Variants in CDON observed in about 807,000 individuals in gnomAD.
CDON encodes the protein cell adhesion associated, oncogene regulated, also known as cell adhesion molecule-related/down-regulated by oncogenes.
Under a neutral mutation model 120.9 loss-of-function variants are expected in CDON, and 73 were observed. The observed-to-expected ratio is 0.60, with a 90% CI of 0.50 to 0.73. The LOEUF (loss-of-function observed/expected upper bound fraction) is 0.73. Ranked by LOEUF, CDON falls within the 30% of genes least tolerant of loss-of-function variation. CDON has a pLI of 0.00. For synonymous variants in CDON, 566 were observed against 573.5 expected (o/e 0.99, Z 0.19); for missense variants, 1,470 against 1,587.3 (o/e 0.93, Z 1.26).
chr11:126,002,395 G>A (rs919107633), intron 10 of CDON, among the ~76,000 whole-genome samples: 37 of 152,244 alleles, frequency 2.4e-4, no homozygotes, highest in African/African-American at 8.9e-4. Flanking sequence ...GAAAGTACTC[G>A]TTATTTTTCT....
intron 18 of CDON, among the ~76,000 whole-genome samples, chr11:125,973,018 C>CTTTTTTTTTTTTTTTTTTTTTT (rs35828939): frequency 3.4e-5 from 3 of 87,034 alleles, no homozygotes; most frequent in South Asian, 5.4e-4. Flanking sequence ...ATTACTTGGT[C>CTTTTTTTTTTTTTTTTTTTTTT]TTTTTTTTTT....
chr11:125,963,925 G>A (rs1297089048), intron 18 of CDON, among the ~76,000 whole-genome samples: 1 of 152,186 alleles, frequency 6.6e-6, no homozygotes, highest in African/African-American at 2.4e-5. Context: ...TCAGAGCACT[G>A]GTCTAGATGT....
At chr11:125,990,226 C>T (rs2134496565) in intron 14 of CDON, among the ~76,000 whole-genome samples, 1 of 152,158 alleles carries the variant, frequency 6.6e-6, no homozygotes, top group East Asian at 1.9e-4. Flanking sequence ...TAGCAAAGCT[C>T]CCAATTCCAC....
intron 1 of CDON, among the ~76,000 whole-genome samples, chr11:126,050,714 G>C (rs1331019023): frequency 6.6e-6 from 1 of 152,140 alleles, no homozygotes; most frequent in Non-Finnish European, 1.5e-5. Flanking sequence ...CAAGGACGGG[G>C]TGTGCCGTGG....
At chr11:125,968,566 A>C (rs1255522418) in intron 18 of CDON, among the ~76,000 whole-genome samples, 1 of 152,250 alleles carries the variant, frequency 6.6e-6, no homozygotes, top group East Asian at 1.9e-4. Context: ...ATTTAGCAAG[A>C]GAGAAGTACA....
intron 18 of CDON, among the ~76,000 whole-genome samples, chr11:125,964,677 G>C (rs188829309): frequency 4.1e-4 from 62 of 152,186 alleles, no homozygotes; most frequent in Non-Finnish European, 3.2e-4. Flanking sequence ...AAGACACGGG[G>C]AGCAATTAAC....
intron 16 of CDON, among the ~76,000 whole-genome samples, chr11:125,982,051 T>C (rs1946328343): frequency 7.2e-6 from 1 of 139,382 alleles, no homozygotes; most frequent in African/African-American, 2.7e-5. Flanking sequence ...TGGCGTGATC[T>C]TGGCTCACTG....
chr11:125,997,275 T>A lies in CDON; in HGVS notation c.2294A>T (p.Asn765Ile). The change falls in exon 12 of 20, where the codon AAT becomes ATT. Residue 765 changes from asparagine (N) to isoleucine (I), a missense_variant. Physicochemically the swap from Asn to Ile is moderately radical, Grantham distance 149 (BLOSUM62 -3). Transcript: ENST00000531738. ...KVEYKRMRTSNWLVAAEDIPP... is the reference protein window; with the variant it reads ...KVEYKRMRTSIWLVAAEDIPP... ...GATGTCTTCAGCTGCCACCAGCCAA[T>A]TGCTGGTCCTCATCCGTTTATATTC... 6.2e-7 allele frequency: 1 copy of A among 1,614,196 alleles called. No individual in the cohort carries two copies. The highest frequency in any genetic ancestry group is 8.5e-7 in the Non-Finnish European group (1 of 1,180,026).
At chr11:126,037,667 A>T (rs1257425337) in intron 1 of CDON, among the ~76,000 whole-genome samples, 1 of 152,292 alleles carries the variant, frequency 6.6e-6, no homozygotes, top group Non-Finnish European at 1.5e-5. Flanking sequence ...TTTTGGTATA[A>T]AAAAGTTTCA....
intron 1 of CDON, among the ~76,000 whole-genome samples, chr11:126,040,177 G>A (rs73629849): frequency 0.031 from 4,765 of 152,196 alleles, 251 homozygotes; most frequent in African/African-American, 0.11. Flanking sequence ...GAGGGCCGGG[G>A]GGTATATGGG....
chr11:126,037,743 TA>T (rs1161234975), intron 1 of CDON, among the ~76,000 whole-genome samples: 1 of 152,178 alleles, frequency 6.6e-6, no homozygotes, highest in African/African-American at 2.4e-5. Context: ...GTTGGTAGTC[TA>T]AATGGATTTA....
At chr11:126,009,902 C>A (rs577670291) in intron 8 of CDON, among the ~76,000 whole-genome samples, 1 of 152,210 alleles carries the variant, frequency 6.6e-6, no homozygotes, top group South Asian at 2.1e-4. Context: ...TAGAAAATAA[C>A]TTTGGATAAG....
At chr11:126,025,734 T>C (rs930929798) in intron 1 of CDON, among the ~76,000 whole-genome samples, 13 of 152,264 alleles carry the variant, frequency 8.5e-5, no homozygotes, top group South Asian at 2.1e-4. Flanking sequence ...CAAATACTTA[T>C]TGAATGCTTA....
chr11:126,015,933 T>C (rs960893246), intron 6 of CDON, among the ~76,000 whole-genome samples: 7 of 152,232 alleles, frequency 4.6e-5, no homozygotes, highest in African/African-American at 1.7e-4. Context: ...TACGGTCAAT[T>C]CAACTTTGAG....
At chr11:126,002,095 C>T (rs527395882) in intron 10 of CDON, among the ~76,000 whole-genome samples, 50 of 152,136 alleles carry the variant, frequency 3.3e-4, no homozygotes, top group Middle Eastern at 3.4e-3. Flanking sequence ...TCTAACTTTA[C>T]GTATGCAAAA....
At chr11:125,962,066 C>G in intron 18 of CDON, 68 bp from the exon 19 acceptor site, 2 of 1,227,526 alleles carry the variant, frequency 1.6e-6, no homozygotes, top group South Asian at 2.5e-5. Flanking sequence ...TAAGCCTATT[C>G]TGAAATATCA....
rs531577990 is a variant in CDON at position 126,000,272 on chromosome 11, A to G, written c.2158+1447T>C. Among the ~76,000 whole-genome samples the G allele has an allele frequency of 2.6e-4, 40 of 152,298 alleles. 1 individual carries two copies. The highest frequency in any genetic ancestry group is 1.9e-3 in the East Asian group (10 of 5,186). ...ACCCAGGCTGGAGTGCAGTGGAACA[A>G]TCATAGCTCACTGCAGCCTCAAATT... is the stretch of plus-strand genomic sequence containing the variant. On this transcript the variant is annotated intron_variant, in intron 11 of 19. Coordinates refer to ENST00000531738, the MANE Select transcript of CDON (RefSeq NM_001378964.1).
chr11:126,060,664 A>G (rs1948775761), intron 1 of CDON, among the ~76,000 whole-genome samples: 1 of 152,224 alleles, frequency 6.6e-6, no homozygotes, highest in Admixed American at 6.5e-5. Context: ...GAAGTGGGAA[A>G]ATAAGAAGCA....
intron 13 of CDON, among the ~76,000 whole-genome samples, chr11:125,994,596 G>A (rs956256676): frequency 1.3e-5 from 2 of 152,120 alleles, no homozygotes; most frequent in Non-Finnish European, 2.9e-5. Context: ...GTTTCCCTGG[G>A]TTCAAAAGCA....
Sources: gnomAD v4.1 joint callset for allele counts (sites outside exome capture counted in the v4.1 genomes callset) on GRCh38, gnomAD v4.1.1 for gene constraint, MANE v1.5 for transcripts, NCBI Gene and HGNC (gene_info 2026-07-23, HGNC 2026-07-21) for gene names.